Variants in WDFY3 observed in about 807,000 individuals in gnomAD.
WDFY3 encodes the protein WD repeat and FYVE domain containing 3, also known as WD repeat and FYVE domain-containing protein 3.
A neutral mutation model predicts 409.6 loss-of-function variants in WDFY3; 66 were observed. The observed-to-expected ratio is 0.16, with a 90% confidence interval of 0.13 to 0.20. The LOEUF (loss-of-function observed/expected upper bound fraction) is 0.20. Ranked by LOEUF, WDFY3 falls within the 10% of genes least tolerant of loss-of-function variation. The pLI, the probability that WDFY3 is intolerant of heterozygous loss-of-function variation, is 1.00. For synonymous variants in WDFY3, 1,521 were observed against 1,537.1 expected (o/e 0.99, Z 0.25); for missense variants, 3,031 against 4,298.1 (o/e 0.71, Z 8.24).
intron 1 of WDFY3, 28 bp from the exon 2 acceptor site, chr4:84,932,391 AG>A (rs1327192498): frequency 6.6e-6 from 1 of 152,146 alleles, no homozygotes; most frequent in African/African-American, 2.4e-5. Context: ...AAGAAAACTC[AG>A]TTTATGTTCA....
chr4:84,750,043 A>C (rs2149286798), intron 36 of WDFY3, among the ~76,000 whole-genome samples: 1 of 152,306 alleles, frequency 6.6e-6, no homozygotes, highest in Middle Eastern at 3.4e-3. Context: ...CAGTCATTCC[A>C]TATCTTTCAT....
At chr4:84,688,416 C>T (rs1728682526) in intron 61 of WDFY3, 151 bp from the exon 62 acceptor site, 5 of 747,530 alleles carry the variant, frequency 6.7e-6, no homozygotes, top group Non-Finnish European at 1.0e-5. Context: ...GTCTGGAAGG[C>T]AGACCTCCTT....
chr4:84,786,232 C>T (rs1322003425), intron 23 of WDFY3, 93 bp from the exon 24 acceptor site: 6 of 1,243,678 alleles, frequency 4.8e-6, no homozygotes, highest in African/African-American at 1.5e-5. Context: ...AATGAGGAGG[C>T]TTGAAAGTCT....
chr4:84,752,740 T>G (rs899134170), intron 35 of WDFY3, among the ~76,000 whole-genome samples: 4 of 152,088 alleles, frequency 2.6e-5, no homozygotes, highest in African/African-American at 9.7e-5. Flanking sequence ...ATAAAGAAGG[T>G]CATTTATCCC....
intron 2 of WDFY3, among the ~76,000 whole-genome samples, chr4:84,922,040 T>C (rs767224965): frequency 6.6e-6 from 1 of 151,890 alleles, no homozygotes; most frequent in Non-Finnish European, 1.5e-5. Context: ...TATACACATA[T>C]ATAGCATATA....
chr4:84,815,057 T>C (rs141209273), intron 13 of WDFY3, among the ~76,000 whole-genome samples: 77 of 152,260 alleles, frequency 5.1e-4, no homozygotes, highest in African/African-American at 1.8e-3. Flanking sequence ...TTTGTAACAC[T>C]GGTCTGTCCT....
At chr4:84,863,431 G>T (rs1431858025) in intron 3 of WDFY3, among the ~76,000 whole-genome samples, 3 of 152,172 alleles carry the variant, frequency 2.0e-5, no homozygotes, top group Non-Finnish European at 4.4e-5. Flanking sequence ...GGTGTGAGGG[G>T]ATATCTTATT....
intron 64 of WDFY3, among the ~76,000 whole-genome samples, chr4:84,680,293 T>C (rs1384299026): frequency 6.6e-6 from 1 of 151,544 alleles, no homozygotes; most frequent in African/African-American, 2.4e-5. Flanking sequence ...TTTTTATTTA[T>C]GTATTTATTT....
At chr4:84,940,827 T>C in intron 1 of WDFY3, among the ~76,000 whole-genome samples, 1 of 152,048 alleles carries the variant, frequency 6.6e-6, no homozygotes, top group Non-Finnish European at 1.5e-5. Context: ...TATTACATCA[T>C]GATGAAGTGC....
intron 1 of WDFY3, among the ~76,000 whole-genome samples, chr4:84,961,389 T>C (rs1246740305): frequency 6.6e-6 from 1 of 152,078 alleles, no homozygotes; most frequent in Non-Finnish European, 1.5e-5. Flanking sequence ...TTTTTTCCCT[T>C]TAAGTCCAAG....
intron 24 of WDFY3, among the ~76,000 whole-genome samples, chr4:84,784,888 A>T (rs1747242173): frequency 2.4e-5 from 1 of 41,654 alleles, no homozygotes; most frequent in Admixed American, 2.0e-4. Context: ...ATATATATAT[A>T]TATACACACA....
At chr4:84,825,070 C>A (rs2149857008) in intron 10 of WDFY3, among the ~76,000 whole-genome samples, 1 of 152,224 alleles carries the variant, frequency 6.6e-6, no homozygotes, top group East Asian at 1.9e-4. Flanking sequence ...CTCACCATAA[C>A]CCTGGGAGGT....
chr4:84,826,306 A>G (rs771920251), intron 10 of WDFY3, among the ~76,000 whole-genome samples: 28 of 152,226 alleles, frequency 1.8e-4, no homozygotes, highest in Non-Finnish European at 3.1e-4. Flanking sequence ...TCTAGAGATT[A>G]TTTATTTAAA....
At chr4:84,922,667 T>G (rs1430707712) in intron 2 of WDFY3, among the ~76,000 whole-genome samples, 1 of 152,140 alleles carries the variant, frequency 6.6e-6, no homozygotes, top group Non-Finnish European at 1.5e-5. Flanking sequence ...TTGTTTTTGC[T>G]GCTGTTTTTT....
At chr4:84,803,769 G>A (rs538129977) in intron 15 of WDFY3, 40 of 202,988 alleles carry the variant, frequency 2.0e-4, no homozygotes, top group African/African-American at 8.6e-4. Flanking sequence ...AAGATGTAAA[G>A]AACAAGTACA....
intron 43 of WDFY3, 109 bp downstream of exon 43, chr4:84,734,930 CGAAT>C: frequency 1.2e-6 from 1 of 808,568 alleles, no homozygotes; most frequent in African/African-American, 1.8e-5. Flanking sequence ...CATCTGATGA[CGAAT>C]GCAGTCCAGC....
intron 27 of WDFY3, among the ~76,000 whole-genome samples, chr4:84,776,885 C>A (rs1301440392): frequency 6.6e-6 from 1 of 151,874 alleles, no homozygotes; most frequent in Non-Finnish European, 1.5e-5. Flanking sequence ...AGAATGAGGT[C>A]CCAAGGGTAT....
chr4:84,714,597 A>G (rs1733523684), intron 50 of WDFY3, among the ~76,000 whole-genome samples: 1 of 152,212 alleles, frequency 6.6e-6, no homozygotes, highest in African/African-American at 2.4e-5. Context: ...TTCAATAGCA[A>G]GAAACTGCAT....
chr4:84,900,032 A>G (rs1292869169), intron 2 of WDFY3, among the ~76,000 whole-genome samples: 2 of 152,164 alleles, frequency 1.3e-5, no homozygotes, highest in African/African-American at 4.8e-5. Context: ...TGGGTGACAA[A>G]GCCAAGACCC....
Sources: allele counts gnomAD v4.1 joint callset (sites outside exome capture counted in the v4.1 genomes callset), GRCh38; gene constraint gnomAD v4.1.1; transcripts MANE v1.5; gene names NCBI Gene and HGNC (gene_info 2026-07-23, HGNC 2026-07-21).